SV2C: variants seen among roughly 807,000 people sequenced by gnomAD.
SV2C encodes synaptic vesicle glycoprotein 2C, also known as solute carrier family 22 member B3.
SV2C carries 49 observed loss-of-function variants against 79.7 expected under a neutral mutation model. The observed-to-expected ratio is 0.61, with a 90% CI of 0.49 to 0.78. The LOEUF is 0.78. Among genes scored for constraint, SV2C ranks in the 30% least tolerant of loss-of-function variants. The pLI, the probability that SV2C is intolerant of heterozygous loss-of-function variation, is 0.00. For synonymous variants in SV2C, 334 were observed against 333.2 expected (o/e 1.00, Z -0.03); for missense variants, 833 against 912.9 (o/e 0.91, Z 1.13).
chr5:76,343,382 A>G (rs950119044), intron 12 of SV2C, among the ~76,000 whole-genome samples: 2 of 152,250 alleles, frequency 1.3e-5, no homozygotes, highest in Admixed American at 6.5e-5. Context: ...ACATGCAACC[A>G]AATAGAAAAA....
At position 76,131,888 on chromosome 5, in the gene SV2C, C is replaced by T; in HGVS notation, c.138C>T (p.Tyr46=). ...RAQDEYTQRS[Y]SRFQDEEDDD... ...AGGATGAATACACCCAGAGGTCCTA[C>T]AGTCGGTTCCAAGATGAAGAAGATG... Residue 46 remains tyrosine (Y), a synonymous_variant, in exon 2 of 13, where the codon TAC becomes TAT. Transcript: ENST00000502798. The T allele has an allele frequency of 1.2e-6, 2 of 1,614,056 alleles. No individual in the cohort carries two copies. The highest frequency in any genetic ancestry group is 1.7e-5 in the Admixed American group (1 of 60,008).
chr5:76,007,174 A>G, the SV2C span, among the ~76,000 whole-genome samples: 1 of 151,936 alleles, frequency 6.6e-6, no homozygotes, highest in African/African-American at 2.4e-5. Flanking sequence ...TCTAGAATGT[A>G]TTGCTAAAAC....
chr5:76,239,648 C>T (rs1171820770), intron 4 of SV2C, among the ~76,000 whole-genome samples: 1 of 152,194 alleles, frequency 6.6e-6, no homozygotes, highest in Non-Finnish European at 1.5e-5. Context: ...CCACATGAGC[C>T]TCTCCCCAAA....
chr5:76,154,430 T>G (rs1742660172), intron 2 of SV2C, among the ~76,000 whole-genome samples: 1 of 152,212 alleles, frequency 6.6e-6, no homozygotes, highest in Admixed American at 6.5e-5. Context: ...CATTCATTGT[T>G]TGAAACAGGA....
At chr5:76,056,159 A>G in the SV2C span, among the ~76,000 whole-genome samples, 2 of 152,128 alleles carry the variant, frequency 1.3e-5, no homozygotes, top group Non-Finnish European at 2.9e-5. Flanking sequence ...TTATTTTGAG[A>G]TATGTTCCAT....
intron 12 of SV2C, among the ~76,000 whole-genome samples, chr5:76,322,738 C>G (rs2913253): frequency 0.37 from 55,470 of 151,950 alleles, 10,597 homozygotes; most frequent in East Asian, 0.55. Flanking sequence ...CACTACACAT[C>G]TACAACCATC....
chr5:76,248,339 T>C (rs1002988203), intron 4 of SV2C, among the ~76,000 whole-genome samples: 2 of 152,238 alleles, frequency 1.3e-5, no homozygotes, highest in Non-Finnish European at 2.9e-5. Context: ...CCTCTTTCCC[T>C]GGCTTTTAGA....
the SV2C span, among the ~76,000 whole-genome samples, chr5:76,028,560 C>T: frequency 1.3e-5 from 2 of 152,210 alleles, no homozygotes; most frequent in Non-Finnish European, 2.9e-5. Flanking sequence ...AGCAAATCAT[C>T]ATGGCCTGGA....
chr5:75,931,069 G>A, the SV2C span, among the ~76,000 whole-genome samples: 5 of 152,186 alleles, frequency 3.3e-5, no homozygotes, highest in African/African-American at 1.2e-4. Context: ...GGGAGGTGAG[G>A]TTGCAGTGAG....
intron 2 of SV2C, among the ~76,000 whole-genome samples, chr5:76,180,527 G>A (rs1190325030): frequency 2.6e-5 from 4 of 152,184 alleles, no homozygotes; most frequent in Non-Finnish European, 5.9e-5. Flanking sequence ...CTTCACTGAT[G>A]CCCTGTGCTG....
the SV2C span, among the ~76,000 whole-genome samples, chr5:75,970,941 C>T: frequency 1.3e-5 from 2 of 152,050 alleles, no homozygotes; most frequent in Non-Finnish European, 2.9e-5. Context: ...TACTGGCAAA[C>T]CGAATCCAGC....
intron 4 of SV2C, among the ~76,000 whole-genome samples, chr5:76,267,936 G>T (rs775103046): frequency 6.6e-6 from 1 of 152,202 alleles, no homozygotes; most frequent in Non-Finnish European, 1.5e-5. Context: ...TGGGGTGCTT[G>T]TTTGGATCCC....
intron 10 of SV2C, among the ~76,000 whole-genome samples, chr5:76,299,978 TA>T (rs1234969180): frequency 6.6e-6 from 1 of 152,080 alleles, no homozygotes; most frequent in East Asian, 1.9e-4. Context: ...ACATAGACTT[TA>T]AATTATAAAT....
At chr5:76,222,031 C>T (rs1433653151) in intron 4 of SV2C, among the ~76,000 whole-genome samples, 1 of 152,056 alleles carries the variant, frequency 6.6e-6, no homozygotes, top group Non-Finnish European at 1.5e-5. Flanking sequence ...ATATCAAATG[C>T]TGGAAAGGAT....
At chr5:76,210,894 A>C (rs191328275) in intron 4 of SV2C, among the ~76,000 whole-genome samples, 1 of 152,200 alleles carries the variant, frequency 6.6e-6, no homozygotes, top group South Asian at 2.1e-4. Flanking sequence ...TAATCACAGC[A>C]TCATAGTGTA....
the SV2C span, among the ~76,000 whole-genome samples, chr5:75,883,734 G>C: frequency 6.6e-6 from 1 of 150,798 alleles, no homozygotes; most frequent in African/African-American, 2.4e-5. Context: ...TATACCTAAT[G>C]CTAGATGATG....
At chr5:76,061,848 C>A in the SV2C span, among the ~76,000 whole-genome samples, 1 of 152,096 alleles carries the variant, frequency 6.6e-6, no homozygotes, top group South Asian at 2.1e-4. Context: ...AGTAAATGTA[C>A]ATGAAGATAA....
the SV2C span, among the ~76,000 whole-genome samples, chr5:75,974,377 G>C: frequency 1.3e-5 from 2 of 152,022 alleles, no homozygotes; most frequent in Non-Finnish European, 2.9e-5. Flanking sequence ...AGAAAGTTAA[G>C]GGAAATGTCA....
chr5:75,906,848 T>C, the SV2C span, among the ~76,000 whole-genome samples: 1 of 152,156 alleles, frequency 6.6e-6, no homozygotes, highest in Admixed American at 6.5e-5. Context: ...AATTTGTCAA[T>C]GTCTAGAAAT....
Sources: gnomAD v4.1 joint callset for allele counts (sites outside exome capture counted in the v4.1 genomes callset) on GRCh38, gnomAD v4.1.1 for gene constraint, MANE v1.5 for transcripts, NCBI Gene and HGNC (gene_info 2026-07-23, HGNC 2026-07-21) for gene names.